The following CACNA1C variants were observed in gnomAD, a reference collection of about 807,000 sequenced individuals.
CACNA1C encodes calcium voltage-gated channel subunit alpha1 C.
A neutral mutation model predicts 229.0 loss-of-function variants in CACNA1C; 30 were observed. The ratio of observed to expected loss-of-function variants is 0.13; its 90% CI spans 0.10 to 0.18. The LOEUF is 0.18. Among genes scored for constraint, CACNA1C ranks in the 10% least tolerant of loss-of-function variants. The pLI is 1.00. For missense variants in CACNA1C, 1,658 were observed against 2,845.0 expected, an observed-to-expected ratio of 0.58 and a Z score of 9.49; for synonymous variants, 1,114 against 1,132.5, an observed-to-expected ratio of 0.98 and a Z score of 0.33.
chr12:2,409,186 T>G (rs4765929), intron 3 of CACNA1C, among the ~76,000 whole-genome samples: 1 of 152,022 alleles, frequency 6.6e-6, no homozygotes, highest in Admixed American at 6.5e-5. Flanking sequence ...TTAAAACACT[T>G]CTTGGATGAA....
intron 1 of CACNA1C, among the ~76,000 whole-genome samples, chr12:2,090,451 G>A (rs1396661144): frequency 6.6e-6 from 1 of 150,816 alleles, no homozygotes; most frequent in Non-Finnish European, 1.5e-5. Context: ...CTGAGTAGCT[G>A]GGATTACAGG....
chr12:2,374,689 T>A (rs1259672184), intron 3 of CACNA1C, among the ~76,000 whole-genome samples: 1 of 152,242 alleles, frequency 6.6e-6, no homozygotes, highest in Non-Finnish European at 1.5e-5. Flanking sequence ...CCTTAGCCAT[T>A]CACTCAGCAG....
chr12:2,424,109 G>A (rs747926731), intron 3 of CACNA1C, among the ~76,000 whole-genome samples: 2 of 152,240 alleles, frequency 1.3e-5, no homozygotes, highest in Admixed American at 6.5e-5. Context: ...TACAAGGTCT[G>A]GTGCCTCATT....
chr12:2,267,122 G>T (rs1473393115), intron 3 of CACNA1C, among the ~76,000 whole-genome samples: 1 of 152,110 alleles, frequency 6.6e-6, no homozygotes, highest in Non-Finnish European at 1.5e-5. Flanking sequence ...TACGGGTATT[G>T]CCCGGCGCTG....
At chr12:2,207,112 C>T (rs555963602) in intron 3 of CACNA1C, among the ~76,000 whole-genome samples, 23 of 152,254 alleles carry the variant, frequency 1.5e-4, no homozygotes, top group African/African-American at 4.3e-4. Context: ...GGACCACATT[C>T]GAGGAGCATC....
At chr12:2,263,278 G>A (rs552430482) in intron 3 of CACNA1C, among the ~76,000 whole-genome samples, 2 of 152,136 alleles carry the variant, frequency 1.3e-5, no homozygotes, top group Non-Finnish European at 2.9e-5. Flanking sequence ...TCAGGTGGGA[G>A]TATGCCCAGC....
At chr12:2,174,112 GA>G (rs1261615348) in intron 3 of CACNA1C, among the ~76,000 whole-genome samples, 1 of 152,064 alleles carries the variant, frequency 6.6e-6, no homozygotes, top group African/African-American at 2.4e-5. Flanking sequence ...TGCCCAAGGG[GA>G]AGGAGGCAGA....
chr12:2,067,987 T>C lies in CACNA1C; in HGVS notation c.49+14376T>C, dbSNP rs2060007147. On this transcript the variant is annotated intron_variant, in intron 1 of 46. Transcript: ENST00000399655. This position sits in a 1 kb window ranked among gnomAD's most constrained non-coding sequence, Gnocchi z 5.3. ...CTTATAATTATATCAGAATATCAAA[T>C]TCCTGAGAACAGAACATTTTGTTAT... Among the ~76,000 whole-genome samples the C allele has an allele frequency of 6.6e-6, 1 of 152,176 alleles. No homozygotes were observed. The highest frequency in any genetic ancestry group is 1.5e-5 in the Non-Finnish European group (1 of 68,038).
At chr12:2,409,823 C>T (rs1460397820) in intron 3 of CACNA1C, among the ~76,000 whole-genome samples, 1 of 152,228 alleles carries the variant, frequency 6.6e-6, no homozygotes, top group Non-Finnish European at 1.5e-5. Context: ...GGAGCCAACG[C>T]AGGGCCCGCT....
intron 1 of CACNA1C, among the ~76,000 whole-genome samples, chr12:2,057,459 G>A (rs917562149): frequency 6.6e-6 from 1 of 152,222 alleles, no homozygotes; most frequent in African/African-American, 2.4e-5. Flanking sequence ...AAGGTGTAGG[G>A]GGAGTTTAGA....
In CACNA1C at chr12:2,633,505, G is replaced by A; in HGVS notation, c.3829-792G>A. ...TCCTGGGCTCCTGGCCATGGTGAGG[G>A]CGTCCGGAACTCCAGAGGCAACACG... On this transcript the variant is annotated intron_variant, in intron 29 of 46. Transcript: ENST00000399655. This position sits in a 1 kb window ranked among gnomAD's most constrained non-coding sequence, Gnocchi z 5.8. 1 of 700,846 alleles carries A rather than the reference G, an allele frequency of 1.4e-6. No homozygotes were observed. Among genetic ancestry groups the A allele is most frequent in the South Asian group, 1.6e-5 (1 of 63,098 alleles). The allele number at this position is 700,846 out of a possible 1,614,324, so 43.4% of individuals were successfully genotyped here. A position where few individuals can be genotyped will look rare whatever the true frequency, so the allele number is the denominator to read the frequency against.
chr12:2,005,950 T>C (rs1244005086), intron 1 of CACNA1C, among the ~76,000 whole-genome samples: 2 of 152,252 alleles, frequency 1.3e-5, no homozygotes, highest in African/African-American at 4.8e-5. Context: ...AATATCCATC[T>C]CTTTTCCAAC....
At chr12:2,684,662 C>A (rs1366591267) in intron 43 of CACNA1C, among the ~76,000 whole-genome samples, 2 of 152,062 alleles carry the variant, frequency 1.3e-5, no homozygotes, top group Non-Finnish European at 2.9e-5. Flanking sequence ...GGGGTACAGG[C>A]GTTCAGAGAA....
At chr12:2,682,311 C>T (rs1027387799) in intron 42 of CACNA1C, among the ~76,000 whole-genome samples, 27 of 152,250 alleles carry the variant, frequency 1.8e-4, no homozygotes, top group African/African-American at 6.0e-4. Flanking sequence ...CTCCTGGATC[C>T]ACAGCAGACA....
intron 9 of CACNA1C, among the ~76,000 whole-genome samples, chr12:2,537,010 C>A (rs555028250): frequency 6.6e-6 from 1 of 152,300 alleles, no homozygotes; most frequent in African/African-American, 2.4e-5. Context: ...CCCTGGCCCC[C>A]AAGCCCATGC....
In CACNA1C at chr12:2,115,316, G is replaced by C. The variant is rs1157586705; in HGVS notation, c.142G>C (p.Ala48Pro). 5.6e-6 allele frequency: 9 copies of C among 1,595,350 alleles called. No individual in the cohort carries two copies. Among genetic ancestry groups the C allele is most frequent in the Non-Finnish European group, 7.7e-6 (9 of 1,172,900 alleles). The change falls in exon 2 of 47, where the codon GCT becomes CCT. Residue 48 changes from alanine to proline, a missense_variant. This residue lies in a region of CACNA1C where 111 missense variants were observed against 128.0 expected (regional missense o/e 0.87). Transcript: ENST00000399655. ...CCCTGAGCACATCCCCACCCCGGGGGCTGCCCTGTCGTGGCAGGCGGCCAT... is the reference window on the plus strand; with the variant it reads ...CCCTGAGCACATCCCCACCCCGGGGCCTGCCCTGTCGTGGCAGGCGGCCAT... Reference protein sequence around the residue: ...LAPEHIPTPGAALSWQAAIDA... With the variant: ...LAPEHIPTPGPALSWQAAIDA...
chr12:2,539,148 G>C (rs1408824182), intron 9 of CACNA1C, among the ~76,000 whole-genome samples: 1 of 152,242 alleles, frequency 6.6e-6, no homozygotes, highest in Non-Finnish European at 1.5e-5. Context: ...CTGTGCCGTA[G>C]GGGTATGTCG....
rs534818199 is a variant in CACNA1C, at chr12:2,649,207, C to T, written c.3945+700C>T. Among the ~76,000 whole-genome samples, 2 of 152,184 alleles carry T rather than the reference C, an allele frequency of 1.3e-5. No homozygotes were observed. The highest frequency in any genetic ancestry group is 2.9e-5 in the Non-Finnish European group (2 of 68,040). ...ACTCCTGTTGTAGGAGTCTCTGATTCGCGTTGGTTGAAGTGATAAAAGAGA... is the reference window on the plus strand; with the variant it reads ...ACTCCTGTTGTAGGAGTCTCTGATTTGCGTTGGTTGAAGTGATAAAAGAGA... On this transcript the variant is annotated intron_variant, in intron 31 of 46. Coordinates refer to ENST00000399655, the MANE Select transcript of CACNA1C (RefSeq NM_000719.7). This position sits in a 1 kb window ranked among gnomAD's most constrained non-coding sequence, Gnocchi z 4.4.
chr12:2,025,842 T>C (rs968694516), intron 1 of CACNA1C, among the ~76,000 whole-genome samples: 6 of 152,250 alleles, frequency 3.9e-5, no homozygotes, highest in African/African-American at 1.4e-4. Flanking sequence ...ACTTGTTTTA[T>C]TCATGCATTT....
Sources: allele counts gnomAD v4.1 joint callset (sites outside exome capture counted in the v4.1 genomes callset), GRCh38; gene constraint gnomAD v4.1.1; regional missense constraint gnomAD v4.1.1; non-coding constraint Gnocchi (gnomAD v3.1); transcripts MANE v1.5; gene names NCBI Gene and HGNC (gene_info 2026-07-23, HGNC 2026-07-21).